The following PITPNM2 variants were observed in gnomAD, a reference collection of about 807,000 sequenced individuals.
The protein encoded by PITPNM2 is membrane-associated phosphatidylinositol transfer protein 2.
In PITPNM2, 35 loss-of-function variants were observed where a neutral mutation model predicts 132.2. The observed-to-expected ratio is 0.26, with a 90% CI of 0.20 to 0.35. The LOEUF (loss-of-function observed/expected upper bound fraction) is 0.35, where lower values mean the gene tolerates loss of function less well. Ranked by LOEUF, PITPNM2 falls within the 10% of genes least tolerant of loss-of-function variation. The pLI is 1.00. For synonymous variants in PITPNM2, 738 were observed against 799.2 expected (o/e 0.92, Z 1.29); for missense variants, 1,332 against 1,912.0 (o/e 0.70, Z 5.66).
chr12:123,078,571 G>A lies in PITPNM2; in HGVS notation c.-96+31814C>T, dbSNP rs1029368173. 2.0e-5 allele frequency among the ~76,000 whole-genome samples: 3 copies of A among 152,170 alleles called. No homozygotes were observed. Among genetic ancestry groups the A allele is most frequent in the East Asian group, 1.9e-4 (1 of 5,198 alleles). ...AGGCGTTGTGGATTTCCACCTGCCC[G>A]GCCTCCCTGTTTCTAAAAATCTGTT... On this transcript the variant is annotated intron_variant, in intron 2 of 25. Transcript: ENST00000320201. The surrounding 1 kb of genome is among the most constrained non-coding windows in gnomAD (Gnocchi z 7.3).
At position 123,064,541 on chromosome 12, in the gene PITPNM2, C is replaced by T. The variant is rs1376926571; in HGVS notation, c.-95-29856G>A. On this transcript the variant is annotated intron_variant, in intron 2 of 25. Transcript: ENST00000320201. The surrounding 1 kb of genome is among the most constrained non-coding windows in gnomAD (Gnocchi z 4.0). ...CACAGTCTGGCTCCTCTATCTTTGG[C>T]GGGGAGCCTGGGGCTATTTCGGGAA... is the stretch of plus-strand genomic sequence containing the variant. Among the ~76,000 whole-genome samples, 3 of 152,160 alleles carry T rather than the reference C, an allele frequency of 2.0e-5. No individual in the cohort carries two copies. The highest frequency in any genetic ancestry group is 1.3e-4 in the Admixed American group (2 of 15,286).
intron 14 of PITPNM2, 36 bp downstream of exon 14, chr12:122,995,353 C>T: frequency 1.3e-6 from 2 of 1,553,120 alleles, no homozygotes; most frequent in Non-Finnish European, 1.7e-6. Flanking sequence ...TCTTCCCACA[C>T]CCAGAGGCAA....
chr12:123,006,663 T>C (rs1262711676), intron 6 of PITPNM2, among the ~76,000 whole-genome samples: 4 of 151,170 alleles, frequency 2.6e-5, no homozygotes, highest in Non-Finnish European at 5.9e-5. Context: ...CAGCGAGCCA[T>C]GATCATGCCA....
chr12:123,095,229 A>T lies in PITPNM2; in HGVS notation c.-96+15156T>A, dbSNP rs1262121464. On this transcript the variant is annotated intron_variant, in intron 2 of 25. Transcript: ENST00000320201. The surrounding 1 kb of genome is among the most constrained non-coding windows in gnomAD (Gnocchi z 5.0). ...CTGGGGAGTCGGTTATCTCTGCTCC[A>T]GACCCTGGCTTTTGGCAGTAGCCAA... is the stretch of plus-strand genomic sequence containing the variant. 6.6e-6 allele frequency among the ~76,000 whole-genome samples: 1 copy of T among 152,132 alleles called. No homozygotes were observed. Among genetic ancestry groups the T allele is most frequent in the African/African-American group, 2.4e-5 (1 of 41,430 alleles).
chr12:123,019,101 A>G (rs2039567038), intron 3 of PITPNM2, among the ~76,000 whole-genome samples: 1 of 152,082 alleles, frequency 6.6e-6, no homozygotes, highest in Non-Finnish European at 1.5e-5. Flanking sequence ...GTTTCTTTTG[A>G]GGTGATGAAA....
At position 123,119,355 on chromosome 12, in the gene PITPNM2, A is replaced by ACTTTTTTTTTT. The variant is rs762896348; in HGVS notation, c.-199-8868_-199-8867insAAAAAAAAAAG. Among the ~76,000 whole-genome samples, 4 of 129,306 alleles carry ACTTTTTTTTTT rather than the reference A, an allele frequency of 3.1e-5. 2 individuals are homozygous for ACTTTTTTTTTT. Among genetic ancestry groups the ACTTTTTTTTTT allele is most frequent in the African/African-American group, 1.1e-4 (4 of 35,422 alleles). 84.8% of individuals were successfully genotyped at this position (129,306 alleles called of 152,430 possible). A position where few individuals can be genotyped will look rare whatever the true frequency, so the allele number is the denominator to read the frequency against. ...CTATCTAGAAGCATAGAGGATGGTGATTTTTTTTTTTTTTTTTTTTGAGAC... is the reference window on the plus strand; with the variant it reads ...CTATCTAGAAGCATAGAGGATGGTGACTTTTTTTTTTTTTTTTTTTTTTTTTTTTTTGAGAC... On this transcript the variant is annotated intron_variant, in intron 1 of 25. Coordinates refer to ENST00000320201, the MANE Select transcript of PITPNM2 (RefSeq NM_020845.3).
chr12:122,992,790 G>T lies in PITPNM2; in HGVS notation c.2234-121C>A. ...GAAAGTTAGGGATAAGATGGGGGGTGTGTCTCTATCAATTTGGGACCTGTT... is the reference window on the plus strand; with the variant it reads ...GAAAGTTAGGGATAAGATGGGGGGTTTGTCTCTATCAATTTGGGACCTGTT... On this transcript the variant is annotated intron_variant, in intron 15 of 25. Coordinates refer to ENST00000320201, the MANE Select transcript of PITPNM2 (RefSeq NM_020845.3). The surrounding 1 kb of genome is among the most constrained non-coding windows in gnomAD (Gnocchi z 6.5). 1 of 701,310 alleles carries T rather than the reference G, an allele frequency of 1.4e-6. No individual in the cohort carries two copies. Among genetic ancestry groups the T allele is most frequent in the Non-Finnish European group, 2.3e-6 (1 of 429,754 alleles). 43.4% of individuals were successfully genotyped at this position (701,310 alleles called of 1,614,324 possible).
chr12:123,028,559 C>T (rs1262749643), intron 3 of PITPNM2, among the ~76,000 whole-genome samples: 1 of 152,220 alleles, frequency 6.6e-6, no homozygotes, highest in African/African-American at 2.4e-5. Context: ...GAAGGACTTT[C>T]ATCCCCCTCT....
chr12:123,112,924 A>G (rs750020105), intron 1 of PITPNM2, among the ~76,000 whole-genome samples: 5 of 152,218 alleles, frequency 3.3e-5, no homozygotes, highest in Admixed American at 6.5e-5. Context: ...GGACAAGAAC[A>G]ACAGAAGTCA....
rs1340554099 is a variant in PITPNM2, at chr12:123,110,451, A to C, written c.-162T>G. 6 of 152,440 alleles carry C rather than the reference A, an allele frequency of 3.9e-5. No homozygotes were observed. Among genetic ancestry groups the C allele is most frequent in the Non-Finnish European group, 5.9e-5 (4 of 68,244 alleles). 9.4% of individuals were successfully genotyped at this position (152,440 alleles called of 1,614,324 possible). A position where few individuals can be genotyped will look rare whatever the true frequency, so the allele number is the denominator to read the frequency against. On this transcript the variant is annotated 5_prime_UTR_variant, in exon 2 of 26. Coordinates refer to ENST00000320201, the MANE Select transcript of PITPNM2 (RefSeq NM_020845.3). Reference sequence around the variant, plus strand: ...AGGAGAAATGGGTCCCTAGGCTCACAGAAGGTTGTTGAGGACCAGGACACA... The same window carrying C: ...AGGAGAAATGGGTCCCTAGGCTCACCGAAGGTTGTTGAGGACCAGGACACA...
intron 2 of PITPNM2, among the ~76,000 whole-genome samples, chr12:123,109,601 C>G (rs1474153553): frequency 6.6e-6 from 1 of 152,250 alleles, no homozygotes; most frequent in Non-Finnish European, 1.5e-5. Flanking sequence ...CTGAGCAAGG[C>G]AGCAGCCCAG....
At chr12:123,079,333 T>A (rs12308975) in intron 2 of PITPNM2, among the ~76,000 whole-genome samples, 1,938 of 149,498 alleles carry the variant, frequency 0.013, 27 homozygotes, top group African/African-American at 0.044. Flanking sequence ...ATTTCACTTC[T>A]TTTTCTTTTT....
chr12:123,079,350 CTTTTTTTTTTTTTTTTTTTT>C (rs139205213), intron 2 of PITPNM2, among the ~76,000 whole-genome samples: 1 of 53,790 alleles, frequency 1.9e-5, no homozygotes, highest in Admixed American at 3.0e-4. Flanking sequence ...TTTTTCTTTT[CTTTTTTTTTTTTTTTTTTTT>C]TTTTTTTTTT....
Position 123,000,751 on chromosome 12 carries a change from C to G in PITPNM2, c.1224+27G>C. 6.2e-7 allele frequency: 1 copy of G among 1,612,296 alleles called. No individual in the cohort carries two copies. The highest frequency in any genetic ancestry group is 2.2e-5 in the East Asian group (1 of 44,876). ...TGCCCCTCCCTTGGCGGCCATGCCC[C>G]TGTCCCTCTGACACCCGGGCACCCA... is the stretch of plus-strand genomic sequence containing the variant. On this transcript the variant is annotated intron_variant, in intron 10 of 25. Coordinates refer to ENST00000320201, the MANE Select transcript of PITPNM2 (RefSeq NM_020845.3). The surrounding 1 kb of genome is among the most constrained non-coding windows in gnomAD (Gnocchi z 5.4).
chr12:123,061,342 A>C (rs1214166918), intron 2 of PITPNM2, among the ~76,000 whole-genome samples: 1 of 152,242 alleles, frequency 6.6e-6, no homozygotes, highest in African/African-American at 2.4e-5. Flanking sequence ...CCTCATCAAC[A>C]GCTCTGTGAG....
rs538257461 is a variant in PITPNM2, at chr12:123,079,106, G to A, written c.-96+31279C>T. On this transcript the variant is annotated intron_variant, in intron 2 of 25. Transcript: ENST00000320201. ...CAGGGCAGGCACTAGTGCTGTCCTG[G>A]GCCCATCTCAGGAGCTGCGGTCTCC... Among the ~76,000 whole-genome samples the A allele has an allele frequency of 5.9e-5, 9 of 152,230 alleles. No individual in the cohort carries two copies. In the South Asian group the frequency reaches 1.9e-3, roughly 32 times the overall value.
Position 123,097,816 on chromosome 12 carries a change from G to A in PITPNM2, c.-96+12569C>T, listed in dbSNP as rs1357624169. On this transcript the variant is annotated intron_variant, in intron 2 of 25. Transcript: ENST00000320201. The surrounding 1 kb of genome is among the most constrained non-coding windows in gnomAD (Gnocchi z 4.7). ...GGTCCCCAGCTCCTGGGCTGACCTC[G>A]CCCCTACATCTGCCACTTGGCAGTG... Among the ~76,000 whole-genome samples, 1 of 152,224 alleles carries A rather than the reference G, an allele frequency of 6.6e-6. No homozygotes were observed. The highest frequency in any genetic ancestry group is 1.5e-5 in the Non-Finnish European group (1 of 68,042).
intron 2 of PITPNM2, among the ~76,000 whole-genome samples, chr12:123,048,407 TTTTG>T (rs1346771678): frequency 2.0e-5 from 3 of 151,788 alleles, no homozygotes; most frequent in African/African-American, 7.3e-5. Flanking sequence ...AGTGTTTTTT[TTTTG>T]TTTTTTTTTT....
At chr12:123,092,200 T>C (rs886672508) in intron 2 of PITPNM2, 5 of 152,126 alleles carry the variant, frequency 3.3e-5, no homozygotes, top group Non-Finnish European at 7.3e-5. Context: ...GAACCAAGGA[T>C]TGGCTCTGGG....
Sources: allele counts gnomAD v4.1 joint callset (sites outside exome capture counted in the v4.1 genomes callset), GRCh38; gene constraint gnomAD v4.1.1; non-coding constraint Gnocchi (gnomAD v3.1); transcripts MANE v1.5; gene names NCBI Gene and HGNC (gene_info 2026-07-23, HGNC 2026-07-21).